CDKAL1: variants seen among roughly 807,000 people sequenced by gnomAD.
CDKAL1 encodes the protein CDKAL1 threonylcarbamoyladenosine tRNA methylthiotransferase, also known as threonylcarbamoyladenosine tRNA methylthiotransferase.
In CDKAL1, 32 loss-of-function variants were observed where a neutral mutation model predicts 68.2. The observed-to-expected ratio is 0.47, with a 90% CI of 0.35 to 0.63. The LOEUF (loss-of-function observed/expected upper bound fraction) is 0.63, where lower values mean the gene tolerates loss of function less well. CDKAL1 is among the 30% of genes least tolerant of loss of function. The probability of loss-of-function intolerance (pLI) is 0.00; values close to 1 mark genes in which losing one functional copy is unlikely to be tolerated. For synonymous variants in CDKAL1, 234 were observed against 244.3 expected, an observed-to-expected ratio of 0.96 and a Z score of 0.39; for missense variants, 606 against 696.7, an observed-to-expected ratio of 0.87 and a Z score of 1.47.
intron 11 of CDKAL1, among the ~76,000 whole-genome samples, chr6:21,050,631 C>T (rs4712579): frequency 0.3 from 44,925 of 151,956 alleles, 6,910 homozygotes; most frequent in Middle Eastern, 0.39. Flanking sequence ...AAGGTTAAAG[C>T]AAAGACACCA....
In CDKAL1 at chr6:20,764,033, A is replaced by G. The variant is rs139950177; in HGVS notation, c.517+5390A>G. Among the ~76,000 whole-genome samples, 310 of 152,338 alleles carry G rather than the reference A, an allele frequency of 2.0e-3. 3 individuals are homozygous for G. The highest frequency in any genetic ancestry group is 6.9e-3 in the African/African-American group (288 of 41,580). ...ACATTCATTTCCGTCTTTTAAAAAT[A>G]TTCATACGCACCTTAGTCTTGGCTC... On this transcript the variant is annotated intron_variant, in intron 7 of 15. Coordinates refer to ENST00000274695, the MANE Select transcript of CDKAL1 (RefSeq NM_017774.3).
At chr6:21,027,300 C>T (rs1387301900) in intron 11 of CDKAL1, among the ~76,000 whole-genome samples, 1 of 152,176 alleles carries the variant, frequency 6.6e-6, no homozygotes, top group Admixed American at 6.5e-5. Flanking sequence ...CTTTACCTAA[C>T]TTATTCTCAG....
chr6:20,712,416 T>C (rs900261584), intron 5 of CDKAL1, among the ~76,000 whole-genome samples: 5 of 151,642 alleles, frequency 3.3e-5, no homozygotes, highest in Admixed American at 2.0e-4. Flanking sequence ...GCACAAAACT[T>C]AGCCATGATG....
At chr6:20,936,561 T>TA (rs1763725489) in intron 9 of CDKAL1, among the ~76,000 whole-genome samples, 1 of 151,978 alleles carries the variant, frequency 6.6e-6, no homozygotes, top group African/African-American at 2.4e-5. Context: ...ATTTTTTTTT[T>TA]TATATATCCC....
chr6:20,706,098 A>G (rs1771582740), intron 5 of CDKAL1, among the ~76,000 whole-genome samples: 1 of 152,270 alleles, frequency 6.6e-6, no homozygotes, highest in Non-Finnish European at 1.5e-5. Flanking sequence ...TTCACAGGAC[A>G]ATAGGAGAGG....
At chr6:20,942,877 C>T (rs1454971800) in intron 9 of CDKAL1, among the ~76,000 whole-genome samples, 4 of 147,862 alleles carry the variant, frequency 2.7e-5, no homozygotes, top group African/African-American at 9.9e-5. Flanking sequence ...ATCGCTTGAA[C>T]CAGGAAGTCA....
intron 9 of CDKAL1, among the ~76,000 whole-genome samples, chr6:20,922,413 G>A (rs1762999020): frequency 6.6e-6 from 1 of 152,142 alleles, no homozygotes; most frequent in African/African-American, 2.4e-5. Context: ...AGAAAACAAT[G>A]AACTCACCTA....
At chr6:20,956,720 T>G (rs1445008123) in intron 10 of CDKAL1, among the ~76,000 whole-genome samples, 1 of 152,204 alleles carries the variant, frequency 6.6e-6, no homozygotes, top group Non-Finnish European at 1.5e-5. Context: ...AGGTTTTTGT[T>G]GAATGGCTTC....
rs987500294 is a variant in CDKAL1 at position 21,140,989 on chromosome 6, T to C, written c.1299+32526T>C. Among the ~76,000 whole-genome samples the C allele has an allele frequency of 7.2e-5, 11 of 152,214 alleles. No individual in the cohort carries two copies. In the South Asian group the frequency reaches 8.3e-4, roughly 11 times the overall value. On this transcript the variant is annotated intron_variant, in intron 13 of 15. Transcript: ENST00000274695. Reference sequence around the variant, plus strand: ...AACCCATCAGATCTCATGAGACTTATTCACTATCACGAGAATAGCACGGGA... The same window carrying C: ...AACCCATCAGATCTCATGAGACTTACTCACTATCACGAGAATAGCACGGGA...
At chr6:20,968,614 C>G (rs901844937) in intron 10 of CDKAL1, among the ~76,000 whole-genome samples, 5 of 151,990 alleles carry the variant, frequency 3.3e-5, no homozygotes, top group African/African-American at 1.2e-4. Flanking sequence ...TCTATTCCCC[C>G]CATCAAGTCA....
intron 11 of CDKAL1, among the ~76,000 whole-genome samples, chr6:21,057,390 T>C (rs1770892785): frequency 1.3e-5 from 2 of 151,996 alleles, no homozygotes; most frequent in African/African-American, 4.8e-5. Context: ...TTTTTTATTG[T>C]GTCTATTTGA....
chr6:21,092,282 T>C (rs1399454085), intron 12 of CDKAL1, among the ~76,000 whole-genome samples: 1 of 149,310 alleles, frequency 6.7e-6, no homozygotes, highest in African/African-American at 2.5e-5. Context: ...AGTTCCGGGA[T>C]ACATGTGCAG....
chr6:20,914,689 T>C (rs1290711137), intron 9 of CDKAL1, among the ~76,000 whole-genome samples: 1 of 152,218 alleles, frequency 6.6e-6, no homozygotes. Flanking sequence ...TGCTACTATT[T>C]AAAGTAAGTT....
chr6:21,204,984 A>G (rs572238892), intron 15 of CDKAL1, among the ~76,000 whole-genome samples: 4 of 152,224 alleles, frequency 2.6e-5, no homozygotes, highest in African/African-American at 7.2e-5. Context: ...CTTCTAATCT[A>G]CTTTCCGCCT....
intron 11 of CDKAL1, among the ~76,000 whole-genome samples, chr6:21,022,874 A>G (rs1244096719): frequency 6.6e-6 from 1 of 152,226 alleles, no homozygotes; most frequent in Non-Finnish European, 1.5e-5. Context: ...ACCGTAATCC[A>G]TATCTGTACA....
At chr6:20,561,177 C>T (rs1764250102) in intron 4 of CDKAL1, among the ~76,000 whole-genome samples, 1 of 152,078 alleles carries the variant, frequency 6.6e-6, no homozygotes, top group African/African-American at 2.4e-5. Flanking sequence ...CGCAGTGGCT[C>T]ATGCTTGTAA....
intron 11 of CDKAL1, among the ~76,000 whole-genome samples, chr6:21,024,077 T>G (rs901624411): frequency 2.6e-5 from 4 of 152,232 alleles, no homozygotes; most frequent in Non-Finnish European, 1.5e-5. Context: ...GCAATTATAT[T>G]TTAGCCAAGA....
chr6:20,618,360 G>A (rs1273274410), intron 4 of CDKAL1, among the ~76,000 whole-genome samples: 1 of 152,098 alleles, frequency 6.6e-6, no homozygotes, highest in African/African-American at 2.4e-5. Flanking sequence ...CCATTCTGTA[G>A]GTTTCCTGTT....
chr6:20,834,024 A>G (rs531901189), intron 8 of CDKAL1, among the ~76,000 whole-genome samples: 6 of 152,324 alleles, frequency 3.9e-5, no homozygotes, highest in East Asian at 1.9e-4. Context: ...CTCCCAGAGC[A>G]TCTGATGCGT....
Sources: gnomAD v4.1 joint callset for allele counts (sites outside exome capture counted in the v4.1 genomes callset) on GRCh38, gnomAD v4.1.1 for gene constraint, MANE v1.5 for transcripts, NCBI Gene and HGNC (gene_info 2026-07-23, HGNC 2026-07-21) for gene names.